PORCN: variants seen among roughly 807,000 people sequenced by gnomAD.
PORCN encodes the protein protein-serine O-palmitoleoyltransferase porcupine.
Under a neutral mutation model 43.0 loss-of-function variants are expected in PORCN, and 1 was observed. That is an observed-to-expected ratio of 0.02 (90% confidence interval 0.01 to 0.11). The LOEUF (loss-of-function observed/expected upper bound fraction) is 0.11. Among genes scored for constraint, PORCN ranks in the 10% least tolerant of loss-of-function variants. The pLI, the probability that PORCN is intolerant of heterozygous loss-of-function variation, is 1.00. For missense variants in PORCN, 240 were observed against 392.1 expected (o/e 0.61, Z 3.28); for synonymous variants, 148 against 166.4 (o/e 0.89, Z 0.85).
intron 7 of PORCN, 151 bp from the exon 8 acceptor site, chrX:48,513,976 A>G (rs1237525270): frequency 1.7e-6 from 1 of 605,954 alleles, no homozygotes; most frequent in African/African-American, 2.2e-5. Flanking sequence ...TAACTGCCTG[A>G]GGGTGGATGT....
At chrX:48,519,525 A>C (rs2061743678) in intron 14 of PORCN, among the ~76,000 whole-genome samples, 3 of 111,600 alleles carry the variant, frequency 2.7e-5, no homozygotes, top group Admixed American at 1.9e-4. Flanking sequence ...GTGATGTTGC[A>C]GCAGGAACTC....
intron 7 of PORCN, 142 bp downstream of exon 7, chrX:48,512,994 C>A: frequency 1.3e-6 from 1 of 764,309 alleles, no homozygotes; most frequent in Non-Finnish European, 2.0e-6. Flanking sequence ...GGCTGGCTGG[C>A]TGACGAAGCT....
At chrX:48,517,086 ACTGTGCC>A in intron 13 of PORCN, 90 bp from the exon 14 acceptor site, 3 of 649,415 alleles carry the variant, frequency 4.6e-6, no homozygotes, top group Non-Finnish European at 7.5e-6. Flanking sequence ...CCTGGAACCC[ACTGTGCC>A]CTGTGTGTCC....
At chrX:48,509,354 G>GCTT in intron 1 of PORCN, 1 of 290,686 alleles carries the variant, frequency 3.4e-6, no homozygotes, top group South Asian at 4.4e-5. Flanking sequence ...CCGTGCCGCC[G>GCTT]CATCCATACA....
In PORCN at chrX:48,512,506, T is replaced by C; in HGVS notation, c.554T>C (p.Leu185Pro). The C allele has an allele frequency of 8.3e-7, 1 of 1,207,017 alleles. No individual in the cohort carries two copies. Among genetic ancestry groups the C allele is most frequent in the Non-Finnish European group, 1.1e-6 (1 of 893,115 alleles). The change falls in exon 5 of 15, where the codon CTG becomes CCG. Residue 185 changes from leucine (L) to proline (P), a missense_variant and splice_region_variant. Physicochemically the swap from Leu to Pro is moderately conservative, Grantham distance 98. Transcript: ENST00000326194. ...SYLQAVQGRP[L>P]SCRWLQKVAR... The stretch of plus-strand genomic sequence containing the variant: ...CTACAAGCTGTCCAAGGCCGCCCAC[T>C]GGTGAGGTCCTGAGTGGATGGGTGG...
rs1556973900 is a variant in PORCN at position 48,511,532 on chromosome X, TG to T, written c.329+48del. The T allele has an allele frequency of 5.4e-6, 6 of 1,120,812 alleles. No individual in the cohort carries two copies. The South Asian group carries it at 9.1e-5, about 17-fold the overall frequency. The allele number at this position is 1,120,812 out of a possible 1,213,427, so 92.4% of individuals were successfully genotyped here. On this transcript the variant is annotated intron_variant, in intron 3 of 14. Transcript: ENST00000326194. ...TCCTCACACTGTTGGCTGAAGTGCA[TG>T]GGTGGGTCCCCAGGCCCCATATGAA...
Position 48,512,513 on chromosome X carries a change from G to A in PORCN, c.555+6G>A. The stretch of plus-strand genomic sequence containing the variant: ...CTGTCCAAGGCCGCCCACTGGTGAG[G>A]TCCTGAGTGGATGGGTGGGCAGGGA... On this transcript the variant is annotated splice_donor_region_variant and intron_variant, in intron 5 of 14. Transcript: ENST00000326194. 1 of 1,207,278 alleles carries A rather than the reference G, an allele frequency of 8.3e-7. No individual in the cohort carries two copies. The highest frequency in any genetic ancestry group is 1.7e-5 in the African/African-American group (1 of 57,859).
At chrX:48,509,335 C>A (rs2061657236) in intron 1 of PORCN, 1 of 274,219 alleles carries the variant, frequency 3.6e-6, no homozygotes, top group Non-Finnish European at 6.4e-6. Flanking sequence ...TACAGGACAC[C>A]CCCCCTCCCC....
In PORCN at chrX:48,520,625, A is replaced by T; in HGVS notation, c.*149A>T. 1 of 474,134 alleles carries T rather than the reference A, an allele frequency of 2.1e-6. No individual in the cohort carries two copies. Among genetic ancestry groups the T allele is most frequent in the East Asian group, 3.9e-5 (1 of 25,870 alleles). The allele number at this position is 474,134 out of a possible 1,213,427, so 39.1% of individuals were successfully genotyped here. A position where few individuals can be genotyped will look rare whatever the true frequency, so the allele number is the denominator to read the frequency against. ...ACACACACACACACACACACACAAA[A>T]TCACACCATTTTCATGCCTGTCAAT... On this transcript the variant is annotated 3_prime_UTR_variant, in exon 15 of 15. Transcript: ENST00000326194.
At chrX:48,509,504 C>T (rs1556973376) in intron 1 of PORCN, 4 of 1,009,382 alleles carry the variant, frequency 4.0e-6, no homozygotes, top group Non-Finnish European at 5.1e-6. Context: ...TGTATGCCAT[C>T]CCATCACCAT....
intron 1 of PORCN, chrX:48,509,477 GAT>G (rs1365993148): frequency 1.0e-6 from 1 of 957,371 alleles, no homozygotes; most frequent in Non-Finnish European, 1.3e-6. Flanking sequence ...CGCCCCATTT[GAT>G]ATATGGGCCT....
chrX:48,515,828 G>A (rs1556975168), intron 11 of PORCN, 35 bp downstream of exon 11: 3 of 1,192,207 alleles, frequency 2.5e-6, no homozygotes, highest in South Asian at 1.8e-5. Flanking sequence ...GGTGGAAGCT[G>A]GGTGGGGGCG....
chrX:48,510,085 A>G (rs929219076), intron 2 of PORCN, 129 bp downstream of exon 2: 11 of 542,090 alleles, frequency 2.0e-5, no homozygotes, highest in Non-Finnish European at 3.1e-5. Flanking sequence ...GGACCCCAAC[A>G]TGTTCAGCCC....
Position 48,509,824 on chromosome X carries a change from G to A in PORCN, c.4G>A (p.Ala2Thr), listed in dbSNP as rs782037177. 8.3e-7 allele frequency: 1 copy of A among 1,210,581 alleles called. No homozygotes were observed. The highest frequency in any genetic ancestry group is 2.2e-5 in the Admixed American group (1 of 45,972). The change falls in exon 2 of 15, where the codon GCC becomes ACC. Residue 2 changes from alanine to threonine, a missense_variant. Ala to Thr is a moderately conservative substitution (Grantham distance 58). Coordinates refer to ENST00000326194, the MANE Select transcript of PORCN (RefSeq NM_203475.3). ...CATCCATCCGTGGGGGTCTGCAATG[G>A]CCACCTTTAGCCGCCAGGAATTTTT... M[A>T]TFSRQEFFQQ...
rs782001992 is a variant in PORCN at position 48,512,397 on chromosome X, G to A, written c.445G>A (p.Val149Met). The A allele has an allele frequency of 3.3e-6, 4 of 1,210,062 alleles. No homozygotes were observed. The highest frequency in any genetic ancestry group is 3.5e-5 in the African/African-American group (2 of 57,348). ...FDLDRGEVGTVPSPVEFMGYL... is the reference protein window; with the variant it reads ...FDLDRGEVGTMPSPVEFMGYL... Reference sequence around the variant, plus strand: ...CCTGGACCGGGGCGAGGTGGGTACGGTGCCCTCGCCAGTGGAGTTCATGGG... The same window carrying A: ...CCTGGACCGGGGCGAGGTGGGTACGATGCCCTCGCCAGTGGAGTTCATGGG... Residue 149 changes from valine (V) to methionine (M), a missense_variant, in exon 5 of 15, where the codon GTG becomes ATG. Transcript: ENST00000326194.
At chrX:48,518,862 T>G (rs1370962191) in intron 14 of PORCN, among the ~76,000 whole-genome samples, 1 of 109,810 alleles carries the variant, frequency 9.1e-6, no homozygotes, top group Non-Finnish European at 1.9e-5. Context: ...TTACCCAGGC[T>G]AAAGTGCAGT....
chrX:48,519,992 G>A (rs2061747623), intron 14 of PORCN, among the ~76,000 whole-genome samples: 1 of 111,877 alleles, frequency 8.9e-6, no homozygotes, highest in Admixed American at 9.5e-5. Context: ...ATGAGAGCCT[G>A]TCTCAAAAAG....
chrX:48,512,859 G>A lies in PORCN; in HGVS notation c.704+7G>A, dbSNP rs1303832731. The stretch of plus-strand genomic sequence containing the variant: ...GCAAGAAACGCAAAGCCAGGTAAAT[G>A]AGGGCAGGTGTGAGGGCACGTGGAG... On this transcript the variant is annotated splice_region_variant and intron_variant, in intron 7 of 14. Transcript: ENST00000326194. The A allele has an allele frequency of 8.3e-7, 1 of 1,211,009 alleles. No homozygotes were observed. Among genetic ancestry groups the A allele is most frequent in the Non-Finnish European group, 1.1e-6 (1 of 895,372 alleles).
chrX:48,518,122 C>T (rs782038156), intron 14 of PORCN, among the ~76,000 whole-genome samples: 2 of 109,027 alleles, frequency 1.8e-5, no homozygotes, highest in African/African-American at 3.3e-5. Context: ...CTATGTTGCC[C>T]AGGCTGGTCT....
Sources: allele counts gnomAD v4.1 joint callset (sites outside exome capture counted in the v4.1 genomes callset), GRCh38; gene constraint gnomAD v4.1.1; transcripts MANE v1.5; gene names NCBI Gene and HGNC (gene_info 2026-07-23, HGNC 2026-07-21).